SIPA1L3: variants seen among roughly 807,000 people sequenced by gnomAD.
The protein encoded by SIPA1L3 is signal induced proliferation associated 1 like 3.
Under a neutral mutation model 150.1 loss-of-function variants are expected in SIPA1L3, and 59 were observed. The observed-to-expected ratio is 0.39, with a 90% CI of 0.32 to 0.49. The LOEUF (loss-of-function observed/expected upper bound fraction) is 0.49, where lower values mean the gene tolerates loss of function less well. SIPA1L3 is among the 20% of genes least tolerant of loss of function. The probability of loss-of-function intolerance (pLI) is 0.86; values close to 1 mark genes in which losing one functional copy is unlikely to be tolerated. For missense variants in SIPA1L3, 2,211 were observed against 2,489.5 expected (o/e 0.89, Z 2.38); for synonymous variants, 1,070 against 1,077.6 (o/e 0.99, Z 0.14).
At chr19:38,077,339 T>A (rs4802230) in intron 2 of SIPA1L3, among the ~76,000 whole-genome samples, 47,020 of 151,864 alleles carry the variant, frequency 0.31, 8,191 homozygotes, top group East Asian at 0.62. Flanking sequence ...TAGTCCTAGC[T>A]ACTCAGAAGG....
Position 38,082,840 on chromosome 19 carries a change from C to T in SIPA1L3, c.1275C>T (p.Leu425=). Reference sequence around the variant, plus strand: ...ATGACAACAGCAACGACCTGCTGCTCAGCTGCCCGCACTTCCGCAATGAGA... The same window carrying T: ...ATGACAACAGCAACGACCTGCTGCTTAGCTGCCCGCACTTCCGCAATGAGA... ...LGDDNSNDLL[L]SCPHFRNEIG... is the part of the protein sequence containing the mutation. Residue 425 remains leucine (L), a synonymous_variant, in exon 3 of 22, where the codon CTC becomes CTT. Coordinates refer to ENST00000222345, the MANE Select transcript of SIPA1L3 (RefSeq NM_015073.3). 1.2e-6 allele frequency: 2 copies of T among 1,613,716 alleles called. No individual in the cohort carries two copies. Among genetic ancestry groups the T allele is most frequent in the South Asian group, 1.1e-5 (1 of 91,084 alleles).
intron 1 of SIPA1L3, among the ~76,000 whole-genome samples, chr19:37,993,163 A>G (rs1057055062): frequency 1.3e-5 from 2 of 152,130 alleles, no homozygotes; most frequent in Non-Finnish European, 2.9e-5. Flanking sequence ...TGAGACCTTG[A>G]ATAAGTGACT....
chr19:38,018,499 A>T (rs1173679292), intron 1 of SIPA1L3, among the ~76,000 whole-genome samples: 2 of 152,064 alleles, frequency 1.3e-5, no homozygotes, highest in Admixed American at 6.5e-5. Context: ...TGGACATTTC[A>T]TGTAAATGGA....
intron 4 of SIPA1L3, among the ~76,000 whole-genome samples, chr19:38,099,208 A>G (rs1047649474): frequency 3.3e-5 from 5 of 151,424 alleles, no homozygotes; most frequent in African/African-American, 7.3e-5. Flanking sequence ...GCTAATTTTT[A>G]TATTTTTAGT....
chr19:38,129,927 C>T (rs207477203), intron 9 of SIPA1L3, among the ~76,000 whole-genome samples: 1 of 152,002 alleles, frequency 6.6e-6, no homozygotes, highest in African/African-American at 2.4e-5. Context: ...ATTAGCCAGG[C>T]GTGGTAGCAG....
At chr19:37,929,626 A>G (rs1362647467) in intron 1 of SIPA1L3, among the ~76,000 whole-genome samples, 2 of 152,028 alleles carry the variant, frequency 1.3e-5, no homozygotes, top group African/African-American at 4.8e-5. Context: ...TCTGCCCAGA[A>G]ACACCTGGGT....
intron 3 of SIPA1L3, among the ~76,000 whole-genome samples, chr19:38,087,093 A>T (rs1456706512): frequency 6.6e-6 from 1 of 152,224 alleles, no homozygotes; most frequent in Non-Finnish European, 1.5e-5. Context: ...ACTGGATTTT[A>T]CAAGGAGGTG....
rs192706670 is a variant in SIPA1L3 at position 38,184,732 on chromosome 19, T to C, written c.4430+1992T>C. 867 of 152,248 alleles carry C rather than the reference T, an allele frequency of 5.7e-3. 6 individuals are homozygous for C. The highest frequency in any genetic ancestry group is 9.4e-3 in the Non-Finnish European group (638 of 68,046). 9.4% of individuals were successfully genotyped at this position (152,248 alleles called of 1,614,324 possible). ...GACAGAAACAGTGTCCCTGGAGATATCAGCAGGCAAGTGTGCTGAGCTCAC... is the reference window on the plus strand; with the variant it reads ...GACAGAAACAGTGTCCCTGGAGATACCAGCAGGCAAGTGTGCTGAGCTCAC... On this transcript the variant is annotated intron_variant, in intron 16 of 21. Coordinates refer to ENST00000222345, the MANE Select transcript of SIPA1L3 (RefSeq NM_015073.3).
At chr19:38,123,948 CGGGGTGGCTGGCCGGGCGGG>C (rs1971100485) in intron 9 of SIPA1L3, among the ~76,000 whole-genome samples, 1 of 144,054 alleles carries the variant, frequency 6.9e-6, no homozygotes, top group Non-Finnish European at 1.5e-5. Flanking sequence ...ACCTCCCGGA[CGGGGTGGCTGGCCGGGCGGG>C]GGGCCAACCC....
At chr19:38,001,627 A>G (rs912458723) in intron 1 of SIPA1L3, among the ~76,000 whole-genome samples, 11 of 151,900 alleles carry the variant, frequency 7.2e-5, no homozygotes, top group Non-Finnish European at 1.2e-4. Context: ...GGGTCTTGCT[A>G]TGTTGCCCAG....
chr19:38,167,637 A>G (rs1238080743), intron 15 of SIPA1L3, among the ~76,000 whole-genome samples: 2 of 152,104 alleles, frequency 1.3e-5, no homozygotes, highest in African/African-American at 2.4e-5. Context: ...ACCATAGCTC[A>G]CGATAGCCTC....
At chr19:38,097,054 A>AGC (rs1461375764) in intron 4 of SIPA1L3, among the ~76,000 whole-genome samples, 60 of 152,346 alleles carry the variant, frequency 3.9e-4, no homozygotes, top group Admixed American at 1.4e-3. Context: ...TAACAAAAGA[A>AGC]TACAAACTGC....
chr19:38,197,869 C>T (rs562425338), intron 18 of SIPA1L3, among the ~76,000 whole-genome samples: 27 of 140,952 alleles, frequency 1.9e-4, no homozygotes, highest in Non-Finnish European at 7.5e-5. Context: ...TGTCTCCCCC[C>T]AAATCCCCCC....
chr19:38,054,093 C>T (rs1450190366), intron 2 of SIPA1L3, among the ~76,000 whole-genome samples: 1 of 152,018 alleles, frequency 6.6e-6, no homozygotes, highest in Non-Finnish European at 1.5e-5. Context: ...GCCTGTAATC[C>T]CAGCACTTTG....
intron 8 of SIPA1L3, among the ~76,000 whole-genome samples, chr19:38,111,024 G>GTTTTT (rs528494849): frequency 7.2e-6 from 1 of 138,260 alleles, no homozygotes; most frequent in African/African-American, 2.8e-5. Context: ...GTTGTTTTGG[G>GTTTTT]TTTTTTTTTT....
At chr19:38,035,853 G>A (rs1404676226) in intron 2 of SIPA1L3, among the ~76,000 whole-genome samples, 3 of 152,306 alleles carry the variant, frequency 2.0e-5, no homozygotes, top group Non-Finnish European at 4.4e-5. Context: ...CTTAGTAACA[G>A]CCTATAAGAT....
chr19:37,970,620 G>A (rs1966909592), intron 1 of SIPA1L3, among the ~76,000 whole-genome samples: 1 of 152,206 alleles, frequency 6.6e-6, no homozygotes, highest in African/African-American at 2.4e-5. Flanking sequence ...CCCTGAACTG[G>A]CATGACTGCA....
chr19:38,121,066 G>GT (rs1278923057), intron 9 of SIPA1L3, among the ~76,000 whole-genome samples: 1 of 152,172 alleles, frequency 6.6e-6, no homozygotes, highest in African/African-American at 2.4e-5. Flanking sequence ...GCATTGCTGG[G>GT]TGCAGTGGCT....
chr19:37,991,546 T>C (rs1308622966), intron 1 of SIPA1L3, among the ~76,000 whole-genome samples: 1 of 152,206 alleles, frequency 6.6e-6, no homozygotes, highest in Admixed American at 6.5e-5. Flanking sequence ...TCAGCTGCTG[T>C]CACCCTGGAA....
Sources: gnomAD v4.1 joint callset for allele counts (sites outside exome capture counted in the v4.1 genomes callset) on GRCh38, gnomAD v4.1.1 for gene constraint, MANE v1.5 for transcripts, NCBI Gene and HGNC (gene_info 2026-07-23, HGNC 2026-07-21) for gene names.